The following DNAI4 variants were observed in gnomAD, a reference collection of about 807,000 sequenced individuals.
The protein encoded by DNAI4 is WD repeat domain 78.
In DNAI4, 85 loss-of-function variants were observed where a neutral mutation model predicts 105.8. The observed-to-expected ratio is 0.80, with a 90% confidence interval of 0.67 to 0.96. DNAI4 has a LOEUF of 0.96. Among genes scored for constraint, DNAI4 ranks in the 40% least tolerant of loss-of-function variants. The pLI, the probability that DNAI4 is intolerant of heterozygous loss-of-function variation, is 0.00. For synonymous variants in DNAI4, 352 were observed against 331.5 expected, an observed-to-expected ratio of 1.06 and a Z score of -0.67; for missense variants, 1,014 against 1,005.6, an observed-to-expected ratio of 1.01 and a Z score of -0.11.
intron 2 of DNAI4, among the ~76,000 whole-genome samples, chr1:66,903,650 C>G (rs554863379): frequency 5.2e-4 from 79 of 152,266 alleles, no homozygotes; most frequent in African/African-American, 1.9e-3. Context: ...CCTGCCACGA[C>G]GGCTGGCTAG....
chr1:66,907,756 G>C (rs1390878477), intron 1 of DNAI4, among the ~76,000 whole-genome samples: 1 of 152,140 alleles, frequency 6.6e-6, no homozygotes, highest in African/African-American at 2.4e-5. Context: ...TTAGCTCCTT[G>C]AAATCTTCTC....
chr1:66,840,741 G>A, intron 8 of DNAI4, 70 bp from the exon 9 acceptor site: 1 of 1,491,182 alleles, frequency 6.7e-7, no homozygotes, highest in Non-Finnish European at 9.3e-7. Context: ...GCTCCAAACA[G>A]CATATCTACC....
At position 66,814,032 on chromosome 1, in the gene DNAI4, T is replaced by A; in HGVS notation, c.*98A>T. 1.2e-6 allele frequency: 1 copy of A among 801,674 alleles called. No homozygotes were observed. Among genetic ancestry groups the A allele is most frequent in the Non-Finnish European group, 1.8e-6 (1 of 548,418 alleles). The allele number at this position is 801,674 out of a possible 1,614,324, so 49.7% of individuals were successfully genotyped here. On this transcript the variant is annotated 3_prime_UTR_variant, in exon 17 of 17. Transcript: ENST00000371026. ...TGGAAGTTATACATCAAATATTGTTTTCTGAAATCAAAATCTGGTGTACAG... is the reference window on the plus strand; with the variant it reads ...TGGAAGTTATACATCAAATATTGTTATCTGAAATCAAAATCTGGTGTACAG...
In DNAI4 at chr1:66,871,479, A is replaced by G. The variant is rs748916397; in HGVS notation, c.831T>C (p.Cys277=). The change falls in exon 6 of 17, where the codon TGT becomes TGC. Residue 277 remains cysteine (C), a synonymous_variant. Coordinates refer to ENST00000371026, the MANE Select transcript of DNAI4 (RefSeq NM_024763.5). The part of the protein sequence containing the change: ...TQRNKNYEVL[C]RNRLGNDLYV... ...ATAGGTCATTGCCTAATCTGTTTCT[A>G]CAAAGGACTTCATAATTCTTGTTTC... The G allele has an allele frequency of 3.7e-6, 6 of 1,600,386 alleles. No homozygotes were observed. The highest frequency in any genetic ancestry group is 4.3e-6 in the Non-Finnish European group (5 of 1,175,224).
Position 66,826,940 on chromosome 1 carries a change from G to A in DNAI4, c.2219C>T (p.Ser740Phe). 2 of 1,614,092 alleles carry A rather than the reference G, an allele frequency of 1.2e-6. No individual in the cohort carries two copies. ...IIWQQENVKPSLSFYPATSVV... is the reference protein window; with the variant it reads ...IIWQQENVKPFLSFYPATSVV... ...AGAAGTAGCTGGATAAAAACTCAAAGATGGCTTGACATTCTCCTGTTGCCA... is the reference window on the plus strand; with the variant it reads ...AGAAGTAGCTGGATAAAAACTCAAAAATGGCTTGACATTCTCCTGTTGCCA... Residue 740 changes from serine to phenylalanine, a missense_variant, in exon 15 of 17, where the codon TCT becomes TTT. Ser to Phe is a radical substitution (Grantham distance 155). Transcript: ENST00000371026.
At chr1:66,872,845 TGGGATTACA>T (rs1196651118) in intron 5 of DNAI4, among the ~76,000 whole-genome samples, 1 of 152,004 alleles carries the variant, frequency 6.6e-6, no homozygotes, top group East Asian at 1.9e-4. Flanking sequence ...CCTGAGTAGC[TGGGATTACA>T]GGTGCCCACC....
intron 13 of DNAI4, among the ~76,000 whole-genome samples, chr1:66,831,119 C>T (rs1239810206): frequency 1.3e-5 from 2 of 151,806 alleles, no homozygotes; most frequent in East Asian, 1.9e-4. Flanking sequence ...TACCAAAGCT[C>T]ACTCAAGAAG....
At chr1:66,868,090 T>C (rs1289185816) in intron 6 of DNAI4, among the ~76,000 whole-genome samples, 1 of 152,252 alleles carries the variant, frequency 6.6e-6, no homozygotes, top group Non-Finnish European at 1.5e-5. Flanking sequence ...GATTTTGTAA[T>C]GATGAATCAT....
intron 7 of DNAI4, among the ~76,000 whole-genome samples, chr1:66,854,676 C>G (rs1379426378): frequency 1.3e-5 from 2 of 152,044 alleles, no homozygotes; most frequent in African/African-American, 4.8e-5. Flanking sequence ...GTGGTGTGCA[C>G]CTGTAATCCC....
At chr1:66,905,423 G>T in intron 1 of DNAI4, 48 bp from the exon 2 acceptor site, 1 of 1,270,342 alleles carries the variant, frequency 7.9e-7, no homozygotes, top group South Asian at 2.5e-5. Context: ...AGATTGAAAA[G>T]AAAAATCAAC....
chr1:66,902,559 A>G (rs1201592275), intron 2 of DNAI4, among the ~76,000 whole-genome samples: 2 of 152,088 alleles, frequency 1.3e-5, no homozygotes, highest in Non-Finnish European at 2.9e-5. Flanking sequence ...TCTAATTTTA[A>G]TGTAGTCCAA....
chr1:66,853,858 G>C (rs148858071), intron 7 of DNAI4, among the ~76,000 whole-genome samples: 5 of 152,256 alleles, frequency 3.3e-5, no homozygotes, highest in African/African-American at 1.2e-4. Flanking sequence ...AGTGATAGAA[G>C]TTCTAGCAGA....
intron 16 of DNAI4, among the ~76,000 whole-genome samples, chr1:66,821,665 G>A (rs1645629523): frequency 6.6e-6 from 1 of 152,022 alleles, no homozygotes; most frequent in Admixed American, 6.6e-5. Flanking sequence ...TGAATGACCT[G>A]TTCCTGACCA....
Position 66,893,389 on chromosome 1 carries a change from C to G in DNAI4, c.370G>C (p.Val124Leu), listed in dbSNP as rs1193001319. 4 of 1,573,222 alleles carry G rather than the reference C, an allele frequency of 2.5e-6. No individual in the cohort carries two copies. The highest frequency in any genetic ancestry group is 1.9e-5 in the Admixed American group (1 of 53,658). ...TQVFDINGTD[V>L]TPRPLYHPDP... is the part of the protein sequence containing the mutation. ...GGATGGTAAAGAGGTCGGGGAGTAA[C>G]ATCAGTTCCATTTATGTCAAATACC... Residue 124 changes from valine to leucine, a missense_variant, in exon 3 of 17, where the codon GTT (valine) becomes CTT (leucine). By Grantham distance (32) the Val-to-Leu change is conservative. Transcript: ENST00000371026.
intron 4 of DNAI4, among the ~76,000 whole-genome samples, chr1:66,883,570 G>A (rs904293980): frequency 3.9e-5 from 6 of 152,074 alleles, no homozygotes; most frequent in Non-Finnish European, 7.4e-5. Context: ...GAGCCACCAC[G>A]CTTGGCCCAA....
chr1:66,847,219 G>T (rs1273458385), intron 8 of DNAI4, among the ~76,000 whole-genome samples: 2 of 152,096 alleles, frequency 1.3e-5, no homozygotes, highest in Admixed American at 1.3e-4. Context: ...AACTCAATCT[G>T]GAGATTACAT....
At chr1:66,898,439 G>A (rs977807761) in intron 2 of DNAI4, among the ~76,000 whole-genome samples, 1 of 152,204 alleles carries the variant, frequency 6.6e-6, no homozygotes, top group African/African-American at 2.4e-5. Flanking sequence ...ATGCAATAGT[G>A]TTGAGAGGTG....
intron 7 of DNAI4, among the ~76,000 whole-genome samples, chr1:66,857,493 A>G (rs1487357936): frequency 9.2e-5 from 14 of 151,368 alleles, no homozygotes; most frequent in Admixed American, 2.0e-4. Context: ...AATAAAAAAG[A>G]AAAAAAAAGA....
At chr1:66,834,396 T>A (rs901154165) in intron 11 of DNAI4, among the ~76,000 whole-genome samples, 1 of 152,102 alleles carries the variant, frequency 6.6e-6, no homozygotes, top group Non-Finnish European at 1.5e-5. Flanking sequence ...TTTAACTATA[T>A]TAGCTATCAT....
Sources: allele counts gnomAD v4.1 joint callset (sites outside exome capture counted in the v4.1 genomes callset), GRCh38; gene constraint gnomAD v4.1.1; transcripts MANE v1.5; gene names NCBI Gene and HGNC (gene_info 2026-07-23, HGNC 2026-07-21).